The following SLC24A2 variants were observed in gnomAD, a reference collection of about 807,000 sequenced individuals.
SLC24A2 encodes solute carrier family 24 member 2.
In SLC24A2, 36 loss-of-function variants were observed where a neutral mutation model predicts 62.0. That is an observed-to-expected ratio of 0.58 (90% CI 0.44 to 0.77). The LOEUF is 0.77. Ranked by LOEUF, SLC24A2 falls within the 30% of genes least tolerant of loss-of-function variation. The pLI is 0.00. For missense variants in SLC24A2, 846 were observed against 817.9 expected (o/e 1.03, Z -0.42); for synonymous variants, 358 against 294.0 (o/e 1.22, Z -2.23).
chr9:19,531,830 T>C (rs1264721627), intron 8 of SLC24A2, among the ~76,000 whole-genome samples: 1 of 152,066 alleles, frequency 6.6e-6, no homozygotes. Flanking sequence ...AAGCTTAGGT[T>C]TCTTCATCTG....
intron 2 of SLC24A2, among the ~76,000 whole-genome samples, chr9:19,754,646 ATTT>A (rs5896863): frequency 3.1e-4 from 44 of 143,766 alleles, no homozygotes; most frequent in South Asian, 9.0e-4. Context: ...TCATGGGAGG[ATTT>A]TTTTTTTTTT....
the SLC24A2 span, among the ~76,000 whole-genome samples, chr9:20,161,453 G>C: frequency 2.0e-5 from 3 of 151,346 alleles, no homozygotes; most frequent in African/African-American, 7.3e-5. Context: ...CAATATCCCT[G>C]ATGAATATTG....
the SLC24A2 span, among the ~76,000 whole-genome samples, chr9:20,008,067 T>C: frequency 1.3e-5 from 2 of 151,858 alleles, no homozygotes; most frequent in Non-Finnish European, 2.9e-5. Context: ...AGGTAATTTT[T>C]CTATTTTTAA....
At chr9:19,681,305 A>G (rs1326151684) in intron 2 of SLC24A2, among the ~76,000 whole-genome samples, 1 of 145,168 alleles carries the variant, frequency 6.9e-6, no homozygotes, top group Non-Finnish European at 1.6e-5. Flanking sequence ...CTCAAATATC[A>G]CCTTTCTCAG....
the SLC24A2 span, among the ~76,000 whole-genome samples, chr9:20,061,331 C>A: frequency 2.0e-5 from 3 of 151,576 alleles, no homozygotes; most frequent in Non-Finnish European, 4.4e-5. Flanking sequence ...GTTGCCCAGG[C>A]TGGAAGGCAG....
At chr9:20,133,444 T>G in the SLC24A2 span, among the ~76,000 whole-genome samples, 1 of 152,154 alleles carries the variant, frequency 6.6e-6, no homozygotes, top group Non-Finnish European at 1.5e-5. Context: ...CAGTTTTTCT[T>G]AAATATGCAA....
chr9:19,882,322 T>G, the SLC24A2 span, among the ~76,000 whole-genome samples: 3 of 152,230 alleles, frequency 2.0e-5, no homozygotes, highest in Non-Finnish European at 4.4e-5. Context: ...GTTTTAATTT[T>G]CAGTCCAAAG....
chr9:20,017,047 G>C, the SLC24A2 span, among the ~76,000 whole-genome samples: 1 of 152,102 alleles, frequency 6.6e-6, no homozygotes, highest in African/African-American at 2.4e-5. Flanking sequence ...TTTTGAGACA[G>C]AGTCTCACTC....
the SLC24A2 span, among the ~76,000 whole-genome samples, chr9:20,169,785 C>A: frequency 1.3e-5 from 2 of 151,832 alleles, no homozygotes; most frequent in Non-Finnish European, 1.5e-5. Context: ...TGACACCCCC[C>A]CAAAAAATCA....
the SLC24A2 span, among the ~76,000 whole-genome samples, chr9:20,293,630 T>C: frequency 2.6e-4 from 40 of 152,168 alleles, no homozygotes; most frequent in Admixed American, 2.1e-3. Flanking sequence ...AGTATGCACA[T>C]ACCCTTCACT....
At chr9:19,966,773 T>A in the SLC24A2 span, among the ~76,000 whole-genome samples, 1 of 151,946 alleles carries the variant, frequency 6.6e-6, no homozygotes, top group East Asian at 1.9e-4. Flanking sequence ...ATTAACAGAG[T>A]AGTGGAATGC....
At chr9:19,872,176 G>T in the SLC24A2 span, among the ~76,000 whole-genome samples, 1 of 152,150 alleles carries the variant, frequency 6.6e-6, no homozygotes, top group African/African-American at 2.4e-5. Flanking sequence ...AGGAAGGCAG[G>T]CAGTAACTAT....
the SLC24A2 span, among the ~76,000 whole-genome samples, chr9:20,092,678 A>G: frequency 1.3e-5 from 2 of 152,216 alleles, no homozygotes; most frequent in Non-Finnish European, 2.9e-5. Context: ...GCTTATTACC[A>G]AAGTCATGTT....
the SLC24A2 span, among the ~76,000 whole-genome samples, chr9:20,070,704 C>T: frequency 1.3e-5 from 2 of 152,084 alleles, no homozygotes; most frequent in African/African-American, 4.8e-5. Context: ...AAGAATAGAC[C>T]CTCAGAACAA....
At chr9:20,197,932 T>C in the SLC24A2 span, among the ~76,000 whole-genome samples, 1 of 152,212 alleles carries the variant, frequency 6.6e-6, no homozygotes, top group African/African-American at 2.4e-5. Flanking sequence ...CTGACATCAC[T>C]GTCCCTGCAA....
chr9:19,650,100 T>C (rs1818756357), intron 2 of SLC24A2, among the ~76,000 whole-genome samples: 1 of 152,184 alleles, frequency 6.6e-6, no homozygotes, highest in African/African-American at 2.4e-5. Context: ...CCTCGTAGGC[T>C]ATTTTGAAGA....
the SLC24A2 span, among the ~76,000 whole-genome samples, chr9:19,896,830 G>GA: frequency 4.5e-4 from 68 of 152,262 alleles, no homozygotes; most frequent in African/African-American, 1.6e-3. Flanking sequence ...TTATATCATT[G>GA]ATTTGTGAGG....
the SLC24A2 span, among the ~76,000 whole-genome samples, chr9:19,806,821 T>C: frequency 6.6e-6 from 1 of 152,084 alleles, no homozygotes; most frequent in Non-Finnish European, 1.5e-5. Context: ...ACTTAAAGTG[T>C]TTTGGGGATT....
At chr9:19,729,953 T>C (rs1030787100) in intron 2 of SLC24A2, among the ~76,000 whole-genome samples, 2 of 152,170 alleles carry the variant, frequency 1.3e-5, no homozygotes, top group South Asian at 4.1e-4. Context: ...TACATTATTA[T>C]ATGGATCTAA....
Sources: gnomAD v4.1 joint callset for allele counts (sites outside exome capture counted in the v4.1 genomes callset) on GRCh38, gnomAD v4.1.1 for gene constraint, MANE v1.5 for transcripts, NCBI Gene and HGNC (gene_info 2026-07-23, HGNC 2026-07-21) for gene names.